GINS2: variants seen among roughly 807,000 people sequenced by gnomAD.
The protein encoded by GINS2 is GINS complex subunit 2.
In GINS2, 23 loss-of-function variants were observed where a neutral mutation model predicts 21.2. The observed-to-expected ratio is 1.08, with a 90% CI of 0.78 to 1.53. GINS2 has a LOEUF of 1.53. Ranked by LOEUF, GINS2 falls within the 40% of genes most tolerant of loss-of-function variation. The probability of loss-of-function intolerance (pLI) is 0.00; values close to 1 mark genes in which losing one functional copy is unlikely to be tolerated. For synonymous variants in GINS2, 118 were observed against 85.6 expected, an observed-to-expected ratio of 1.38 and a Z score of -2.09; for missense variants, 323 against 233.9, an observed-to-expected ratio of 1.38 and a Z score of -2.49.
chr16:85,686,919 T>C (rs187543832), intron 2 of GINS2, among the ~76,000 whole-genome samples: 13 of 152,372 alleles, frequency 8.5e-5, no homozygotes, highest in Non-Finnish European at 1.0e-4. Context: ...TTAAAGCAAA[T>C]TGAAATATCT....
At chr16:85,684,291 G>A (rs573522701) in intron 2 of GINS2, among the ~76,000 whole-genome samples, 10 of 151,864 alleles carry the variant, frequency 6.6e-5, no homozygotes, top group East Asian at 3.9e-4. Context: ...CCATGATCAC[G>A]CCACTGCACT....
intron 2 of GINS2, among the ~76,000 whole-genome samples, chr16:85,683,059 G>A (rs2053747616): frequency 6.6e-6 from 1 of 151,974 alleles, no homozygotes; most frequent in South Asian, 2.1e-4. Flanking sequence ...CCTTCCAGGT[G>A]TCCTGGACCC....
chr16:85,678,608 C>G lies in GINS2; in HGVS notation c.364G>C (p.Asp122His), dbSNP rs756896846. 3.1e-6 allele frequency: 5 copies of G among 1,613,932 alleles called. No individual in the cohort carries two copies. Among genetic ancestry groups the G allele is most frequent in the Non-Finnish European group, 4.2e-6 (5 of 1,179,930 alleles). Residue 122 changes from aspartate to histidine, a missense_variant, in exon 4 of 5, where the codon GAC (aspartate) becomes CAC (histidine). Transcript: ENST00000253462. ...EIRTLVKDMW[D>H]TRIAKLRVSA... ...ACTCGGAGTTTGGCTATACGAGTGTCCCACATATCCTTGACCAGGGTCCGG... is the reference window on the plus strand; with the variant it reads ...ACTCGGAGTTTGGCTATACGAGTGTGCCACATATCCTTGACCAGGGTCCGG...
rs1485029041 is a variant in GINS2 at position 85,678,020 on chromosome 16, G to C, written c.*192C>G. On this transcript the variant is annotated 3_prime_UTR_variant, in exon 5 of 5. Coordinates refer to ENST00000253462, the MANE Select transcript of GINS2 (RefSeq NM_016095.3). ...TTCTAGAAACAGATGTGGAATTGAA[G>C]AATGTCCCAGGGAGCTAAGTTTTAA... is the stretch of plus-strand genomic sequence containing the variant. 1.9e-6 allele frequency: 1 copy of C among 520,302 alleles called. No homozygotes were observed. The highest frequency in any genetic ancestry group is 3.4e-6 in the Non-Finnish European group (1 of 294,790). 32.2% of individuals were successfully genotyped at this position (520,302 alleles called of 1,614,324 possible).
rs4565 is a variant in GINS2, at chr16:85,677,805, C to G, written c.*407G>C. ...AGAGTCTAAATTCAGCCCAAGAAAT[C>G]AGGATCAAGAAGGGGTAAAAAGCCG... On this transcript the variant is annotated 3_prime_UTR_variant, in exon 5 of 5. Coordinates refer to ENST00000253462, the MANE Select transcript of GINS2 (RefSeq NM_016095.3). The G allele has an allele frequency of 0.35, 56,332 of 163,146 alleles. 9,989 individuals are homozygous for G. The highest frequency in any genetic ancestry group is 0.51 in the East Asian group (2,763 of 5,446). The allele number at this position is 163,146 out of a possible 1,614,324, so 10.1% of individuals were successfully genotyped here.
At chr16:85,685,707 G>C (rs145346628) in intron 2 of GINS2, among the ~76,000 whole-genome samples, 1,578 of 113,270 alleles carry the variant, frequency 0.014, 33 homozygotes, top group African/African-American at 0.048. Flanking sequence ...TCAAAGCAGA[G>C]GAACTGGGGT....
chr16:85,688,612 C>CGG (rs1201756491), intron 1 of GINS2, among the ~76,000 whole-genome samples, 197 bp downstream of exon 1: 2 of 152,214 alleles, frequency 1.3e-5, no homozygotes, highest in African/African-American at 4.8e-5. Flanking sequence ...CCCGGGCGTT[C>CGG]GGGGCACTGG....
chr16:85,678,296 A>C lies in GINS2; in HGVS notation c.474T>G (p.Thr158=). 6.2e-7 allele frequency: 1 copy of C among 1,613,468 alleles called. No homozygotes were observed. Among genetic ancestry groups the C allele is most frequent in the Non-Finnish European group, 8.5e-7 (1 of 1,179,386 alleles). The stretch of plus-strand genomic sequence containing the variant: ...TGTGGTTGAGCGCTTGTGTGAGGAA[A>C]GTCCCGCTGGTGTTGATCTCCATCA... The part of the protein sequence containing the change: ...LTLMEINTSG[T]FLTQALNHMY... The change falls in exon 5 of 5, where the codon ACT becomes ACG. Residue 158 remains threonine (T), a synonymous_variant. Transcript: ENST00000253462.
intron 1 of GINS2, 76 bp from the exon 2 acceptor site, chr16:85,687,650 A>C: frequency 1.3e-6 from 1 of 794,644 alleles, no homozygotes; most frequent in Non-Finnish European, 2.0e-6. Context: ...CTGCTATCAA[A>C]TAAGAGGCAA....
At chr16:85,680,444 A>T (rs1470041710) in intron 3 of GINS2, among the ~76,000 whole-genome samples, 1 of 152,212 alleles carries the variant, frequency 6.6e-6, no homozygotes, top group African/African-American at 2.4e-5. Flanking sequence ...CAGAAGCTTG[A>T]AATTGTACAA....
chr16:85,688,658 C>T (rs1045070116), intron 1 of GINS2, 151 bp downstream of exon 1: 1 of 431,606 alleles, frequency 2.3e-6, no homozygotes, highest in South Asian at 5.6e-5. Context: ...ATCCGAGAAG[C>T]GGGAACGGCG....
rs145377561 is a variant in GINS2 at position 85,678,215 on chromosome 16, G to A, written c.555C>T (p.Phe185=). The change falls in exon 5 of 5, where the codon TTC becomes TTT. Residue 185 remains phenylalanine, a synonymous_variant. Transcript: ENST00000253462. ...GCCGCCTGCACCAGGCCTTTCTCTA[G>A]AAGTCCTGAGACTGAGTACTCTCCA... ...QPLESTQSQD[F] 6.2e-7 allele frequency: 1 copy of A among 1,613,096 alleles called. No individual in the cohort carries two copies. The highest frequency in any genetic ancestry group is 1.1e-5 in the South Asian group (1 of 90,982).
intron 1 of GINS2, among the ~76,000 whole-genome samples, chr16:85,688,534 A>C (rs954466941): frequency 1.2e-4 from 18 of 152,236 alleles, no homozygotes; most frequent in Admixed American, 3.3e-4. Flanking sequence ...CGACAGAGTG[A>C]CACTCCACCT....
At chr16:85,681,085 G>C (rs1049836726) in intron 3 of GINS2, among the ~76,000 whole-genome samples, 1 of 152,240 alleles carries the variant, frequency 6.6e-6, no homozygotes, top group African/African-American at 2.4e-5. Flanking sequence ...TTGCCAGGAA[G>C]TGGGCTTTCC....
Position 85,688,938 on chromosome 16 carries a change from G to T in GINS2, c.-40C>A, listed in dbSNP as rs201895391. Reference sequence around the variant, plus strand: ...CAGGCCAGAGCCTCACGGTCTCCTCGGGCCCCTCAGCGTCCCGGAGGAGAC... The same window carrying T: ...CAGGCCAGAGCCTCACGGTCTCCTCTGGCCCCTCAGCGTCCCGGAGGAGAC... On this transcript the variant is annotated 5_prime_UTR_variant, in exon 1 of 5. Coordinates refer to ENST00000253462, the MANE Select transcript of GINS2 (RefSeq NM_016095.3). 31 of 1,411,932 alleles carry T rather than the reference G, an allele frequency of 2.2e-5. No homozygotes were observed. The highest frequency in any genetic ancestry group is 6.4e-5 in the South Asian group (5 of 78,168). 87.5% of individuals were successfully genotyped at this position (1,411,932 alleles called of 1,614,324 possible). A position where few individuals can be genotyped will look rare whatever the true frequency, so the allele number is the denominator to read the frequency against.
intron 2 of GINS2, 149 bp downstream of exon 2, chr16:85,687,311 G>A: frequency 2.0e-6 from 1 of 506,942 alleles, no homozygotes; most frequent in Non-Finnish European, 3.6e-6. Context: ...GAATCTGGAA[G>A]TATTCCTTTC....
intron 2 of GINS2, among the ~76,000 whole-genome samples, chr16:85,686,171 T>C (rs967518937): frequency 1.3e-5 from 2 of 152,188 alleles, no homozygotes; most frequent in Admixed American, 6.6e-5. Flanking sequence ...ATTTAAAGTA[T>C]ACAAGTTTTG....
intron 2 of GINS2, among the ~76,000 whole-genome samples, chr16:85,686,761 A>G (rs1259922108): frequency 6.6e-6 from 1 of 152,226 alleles, no homozygotes; most frequent in African/African-American, 2.4e-5. Flanking sequence ...ATGTATCAGA[A>G]TTCCATTCCT....
Position 85,687,528 on chromosome 16 carries a change from A to AG in GINS2, c.136dup (p.Leu46ProfsTer6), listed in dbSNP as rs1227795495. On this transcript the variant is annotated frameshift_variant, in exon 2 of 5. Coordinates refer to ENST00000253462, the MANE Select transcript of GINS2 (RefSeq NM_016095.3). LOFTEE classifies it high-confidence loss of function. ...TTGTTTCAGGTTAATCGCCAGCCACAGGGGCACTTCCACGGGTAAACCAGG... is the reference window on the plus strand; with the variant it reads ...TTGTTTCAGGTTAATCGCCAGCCACAGGGGGCACTTCCACGGGTAAACCAGG... 3 of 1,597,526 alleles carry AG rather than the reference A, an allele frequency of 1.9e-6. No homozygotes were observed. The African/African-American group carries it at 4.1e-5, about 22-fold the overall frequency.
Sources: gnomAD v4.1 joint callset for allele counts (sites outside exome capture counted in the v4.1 genomes callset) on GRCh38, gnomAD v4.1.1 for gene constraint, MANE v1.5 for transcripts, NCBI Gene and HGNC (gene_info 2026-07-23, HGNC 2026-07-21) for gene names.